ANKRD11: variants seen among roughly 807,000 people sequenced by gnomAD.
ANKRD11 encodes the protein ankyrin repeat domain-containing protein 11.
ANKRD11 carries 17 observed loss-of-function variants against 195.7 expected under a neutral mutation model. The observed-to-expected ratio is 0.09, with a 90% CI of 0.06 to 0.13. The LOEUF is 0.13. Among genes scored for constraint, ANKRD11 ranks in the 10% least tolerant of loss-of-function variants. The probability of loss-of-function intolerance (pLI) is 1.00; values close to 1 mark genes in which losing one functional copy is unlikely to be tolerated. For synonymous variants in ANKRD11, 1,953 were observed against 1,528.1 expected (o/e 1.28, Z -6.49); for missense variants, 3,735 against 3,566.1 (o/e 1.05, Z -1.21).
rs371990030 is a variant in ANKRD11 at position 89,457,206 on chromosome 16, G to A, written c.-145+33039C>T. On this transcript the variant is annotated intron_variant, in intron 1 of 12. Transcript: ENST00000301030. Reference sequence around the variant, plus strand: ...GATCTCCTGACCTCGTGATCCGCCCGCCTCGGCCTCCCAAAGTGCTGGGAT... The same window carrying A: ...GATCTCCTGACCTCGTGATCCGCCCACCTCGGCCTCCCAAAGTGCTGGGAT... 1.5e-3 allele frequency among the ~76,000 whole-genome samples: 223 copies of A among 151,056 alleles called. 8 individuals carry two copies. The East Asian group carries it at 0.042, about 28-fold the overall frequency.
chr16:89,381,720 G>A (rs1187426411), intron 2 of ANKRD11, among the ~76,000 whole-genome samples: 1 of 152,124 alleles, frequency 6.6e-6, no homozygotes, highest in Non-Finnish European at 1.5e-5. Context: ...CTCACATTCA[G>A]ACTGGAGAAT....
At chr16:89,350,613 C>T (rs1455039214) in intron 2 of ANKRD11, among the ~76,000 whole-genome samples, 1 of 152,168 alleles carries the variant, frequency 6.6e-6, no homozygotes, top group Non-Finnish European at 1.5e-5. Context: ...TGACCGAAAG[C>T]ACATCAGCAT....
chr16:89,305,032 G>A, intron 4 of ANKRD11, 174 bp downstream of exon 4: 1 of 969,656 alleles, frequency 1.0e-6, no homozygotes, highest in Non-Finnish European at 1.5e-6. Flanking sequence ...GTGCAAAGGA[G>A]GTGGCATGTG....
Position 89,317,088 on chromosome 16 carries a change from A to G in ANKRD11, c.-59-10T>C. On this transcript the variant is annotated splice_polypyrimidine_tract_variant and intron_variant, in intron 2 of 12. Coordinates refer to ENST00000301030, the MANE Select transcript of ANKRD11 (RefSeq NM_013275.6). ...CATCATCAACCGTCTGCTTCAAAAG[A>G]GAAGACACACAATTCACTGAATTCA... 1 of 1,507,682 alleles carries G rather than the reference A, an allele frequency of 6.6e-7. No individual in the cohort carries two copies. Among genetic ancestry groups the G allele is most frequent in the Non-Finnish European group, 9.0e-7 (1 of 1,106,606 alleles). 93.4% of individuals were successfully genotyped at this position (1,507,682 alleles called of 1,614,324 possible). A position where few individuals can be genotyped will look rare whatever the true frequency, so the allele number is the denominator to read the frequency against.
chr16:89,367,471 T>A (rs1288300779), intron 2 of ANKRD11, among the ~76,000 whole-genome samples: 14 of 152,074 alleles, frequency 9.2e-5, no homozygotes, highest in Non-Finnish European at 2.9e-5. Context: ...GGAGCGACGC[T>A]CTCAAACAAC....
intron 11 of ANKRD11, chr16:89,271,164 A>C: frequency 1.9e-6 from 1 of 529,954 alleles, no homozygotes; most frequent in Non-Finnish European, 3.4e-6. Flanking sequence ...CGCAGGCCCC[A>C]CCTGTGAGCC....
At chr16:89,394,084 CTG>C (rs1168631658) in intron 2 of ANKRD11, among the ~76,000 whole-genome samples, 2 of 152,186 alleles carry the variant, frequency 1.3e-5, no homozygotes, top group Non-Finnish European at 2.9e-5. Flanking sequence ...CCTAGCCCTC[CTG>C]GAGACTCCAC....
chr16:89,436,734 A>G (rs1204078222), intron 1 of ANKRD11, among the ~76,000 whole-genome samples: 1 of 152,192 alleles, frequency 6.6e-6, no homozygotes, highest in Admixed American at 6.5e-5. Context: ...CGAAAAACCA[A>G]AAAACTTTTA....
intron 3 of ANKRD11, among the ~76,000 whole-genome samples, chr16:89,315,393 G>GA (rs2036889455): frequency 6.6e-6 from 1 of 152,174 alleles, no homozygotes; most frequent in Non-Finnish European, 1.5e-5. Context: ...GGACCACCGG[G>GA]AAGCGTGACC....
intron 2 of ANKRD11, chr16:89,392,490 C>T (rs1427073010): frequency 1.3e-5 from 2 of 152,004 alleles, no homozygotes; most frequent in Non-Finnish European, 2.9e-5. Context: ...TTGAAAATGT[C>T]TCAATGGGTC....
intron 1 of ANKRD11, among the ~76,000 whole-genome samples, chr16:89,472,527 T>C (rs1023391034): frequency 6.6e-6 from 1 of 152,164 alleles, no homozygotes; most frequent in African/African-American, 2.4e-5. Context: ...GACCCATTTA[T>C]TGATTTATTT....
chr16:89,281,167 G>A lies in ANKRD11; in HGVS notation c.5375C>T (p.Ser1792Phe), dbSNP rs1203401463. 1 of 1,614,058 alleles carries A rather than the reference G, an allele frequency of 6.2e-7. No individual in the cohort carries two copies. Among genetic ancestry groups the A allele is most frequent in the Admixed American group, 1.7e-5 (1 of 60,008 alleles). ...CTCGGGGGTCCTCCTAATGTCGACA[G>A]AGACCGAGCGGTAAAGGTTTGTGGA... ...PLSTNLYRSV[S>F]VDIRRTPEEE... The change falls in exon 9 of 13, where the codon TCT (serine) becomes TTT (phenylalanine). Residue 1792 changes from serine (S) to phenylalanine (F), a missense_variant. Transcript: ENST00000301030. This position sits in a 1 kb window ranked among gnomAD's most constrained non-coding sequence, Gnocchi z 5.5.
intron 1 of ANKRD11, among the ~76,000 whole-genome samples, chr16:89,435,938 G>A (rs1339654958): frequency 6.6e-6 from 1 of 152,142 alleles, no homozygotes; most frequent in African/African-American, 2.4e-5. Context: ...ATCACCGCAA[G>A]TTTCAAGAAC....
chr16:89,428,291 C>A lies in ANKRD11; in HGVS notation c.-144-9923G>T, dbSNP rs149441196. On this transcript the variant is annotated intron_variant, in intron 1 of 12. Coordinates refer to ENST00000301030, the MANE Select transcript of ANKRD11 (RefSeq NM_013275.6). ...CTATAATCCCAGCACTTTGGGAGGC[C>A]AAGGCGGGCAGATCAGAAGGTCAGG... Among the ~76,000 whole-genome samples, 7 of 152,068 alleles carry A rather than the reference C, an allele frequency of 4.6e-5. No individual in the cohort carries two copies. In the South Asian group the frequency reaches 1.5e-3, roughly 32 times the overall value.
At chr16:89,287,971 G>A in intron 7 of ANKRD11, 2 of 473,478 alleles carry the variant, frequency 4.2e-6, no homozygotes, top group East Asian at 6.2e-5. Flanking sequence ...CGCATCTCCA[G>A]GCAGCACCCC....
chr16:89,356,642 G>A (rs1808431), intron 2 of ANKRD11, among the ~76,000 whole-genome samples: 6,896 of 150,750 alleles, frequency 0.046, 268 homozygotes, highest in East Asian at 0.11. Context: ...TTAGCCAGGC[G>A]TGGTGGTGGG....
intron 4 of ANKRD11, among the ~76,000 whole-genome samples, chr16:89,297,219 C>T (rs1045817027): frequency 6.6e-6 from 1 of 152,332 alleles, no homozygotes; most frequent in East Asian, 1.9e-4. Flanking sequence ...TTTTAGGAGA[C>T]ACAGGCCACG....
At position 89,279,652 on chromosome 16, in the gene ANKRD11, G is replaced by A. The variant is rs1472989420; in HGVS notation, c.6890C>T (p.Ser2297Phe). Reference protein sequence around the residue: ...GAGPEDDTEASRAAAPAEGPP... With the variant: ...GAGPEDDTEAFRAAAPAEGPP... ...GCCTTCGGCTGGGGCGGCGGCACGG[G>A]AGGCCTCAGTGTCGTCCTCGGGGCC... The change falls in exon 9 of 13, where the codon TCC becomes TTC. Residue 2297 changes from serine to phenylalanine, a missense_variant. Ser to Phe is a radical substitution (Grantham distance 155). Transcript: ENST00000301030. This position sits in a 1 kb window ranked among gnomAD's most constrained non-coding sequence, Gnocchi z 5.6. 1.2e-5 allele frequency: 18 copies of A among 1,441,212 alleles called. 1 individual carries two copies. Among genetic ancestry groups the A allele is most frequent in the Middle Eastern group, 2.5e-4 (1 of 4,056 alleles). 89.3% of individuals were successfully genotyped at this position (1,441,212 alleles called of 1,614,324 possible).
Position 89,281,065 on chromosome 16 carries a change from G to A in ANKRD11, c.5477C>T (p.Pro1826Leu), listed in dbSNP as rs1486954020. ...GGGCGCCCTGTCTTCCATCGAGGGT[G>A]GCATGGGAGAGTCGTAGCTGGAGGC... ...PAASSYDSPM[P>L]PSMEDRAPLP... Residue 1826 changes from proline (P) to leucine (L), a missense_variant, in exon 9 of 13, where the codon CCA (proline) becomes CTA (leucine). Physicochemically the swap from Pro to Leu is moderately conservative, Grantham distance 98 (BLOSUM62 -3). Transcript: ENST00000301030. The surrounding 1 kb of genome is among the most constrained non-coding windows in gnomAD (Gnocchi z 5.5). The A allele has an allele frequency of 1.2e-6, 2 of 1,607,454 alleles. No homozygotes were observed. The highest frequency in any genetic ancestry group is 1.7e-5 in the Admixed American group (1 of 59,528).
Sources: allele counts gnomAD v4.1 joint callset (sites outside exome capture counted in the v4.1 genomes callset), GRCh38; gene constraint gnomAD v4.1.1; non-coding constraint Gnocchi (gnomAD v3.1); transcripts MANE v1.5; gene names NCBI Gene and HGNC (gene_info 2026-07-23, HGNC 2026-07-21).